The following MINDY1 variants were observed in gnomAD, a reference collection of about 807,000 sequenced individuals.
MINDY1 encodes the protein MINDY lysine 48 deubiquitinase 1.
Under a neutral mutation model 53.6 loss-of-function variants are expected in MINDY1, and 50 were observed. That is an observed-to-expected ratio of 0.93 (90% confidence interval 0.74 to 1.18). The LOEUF is 1.18. Among genes scored for constraint, MINDY1 ranks in the 50% most tolerant of loss-of-function variants. The pLI, the probability that MINDY1 is intolerant of heterozygous loss-of-function variation, is 0.00. For missense variants in MINDY1, 484 were observed against 578.6 expected (o/e 0.84, Z 1.68); for synonymous variants, 231 against 234.7 (o/e 0.98, Z 0.14).
At chr1:151,008,348 C>T (rs1482562298), upstream of MINDY1, 1 of 1,308,146 alleles carries the variant, frequency 7.6e-7, no homozygotes, top group African/African-American at 1.5e-5. Flanking sequence ...CGTCGCCCCA[C>T]GCCACGCCCC....
rs887433055 is a variant in MINDY1, at chr1:151,006,673, TTC to T, written c.-453_-452del. On this transcript the variant is annotated 5_prime_UTR_variant, in exon 1 of 10. An upstream open reading frame in the 5' UTR gains an earlier in-frame stop. Transcript: ENST00000683666. ...AAGGAAGTTTGTGGTTTTTCTTTTC[TTC>T]TCTCTCTCTTTTTTGTTCTCATCAG... 1.8e-5 allele frequency: 18 copies of T among 986,118 alleles called. No individual in the cohort carries two copies. The highest frequency in any genetic ancestry group is 3.5e-5 in the African/African-American group (2 of 57,360). The allele number at this position is 986,118 out of a possible 1,614,324, so 61.1% of individuals were successfully genotyped here. A position where few individuals can be genotyped will look rare whatever the true frequency, so the allele number is the denominator to read the frequency against.
At chr1:151,007,466 T>C (rs587649944), upstream of MINDY1, among the ~76,000 whole-genome samples, 1 of 152,222 alleles carries the variant, frequency 6.6e-6, no homozygotes, top group South Asian at 2.1e-4. Flanking sequence ...ATCCTGCCAC[T>C]GCACTCCAGC....
intron 1 of MINDY1, chr1:151,005,956 C>T (rs973125613): frequency 8.4e-6 from 9 of 1,067,780 alleles, no homozygotes; most frequent in Non-Finnish European, 1.2e-5. Context: ...TTCAAGAAGA[C>T]ACTCCTTCTC....
In MINDY1 at chr1:150,999,354, C is replaced by T. The variant is rs758387166; in HGVS notation, c.981+15G>A. On this transcript the variant is annotated intron_variant, in intron 7 of 9. Transcript: ENST00000683666. The surrounding 1 kb of genome is among the most constrained non-coding windows in gnomAD (Gnocchi z 4.4). ...ATGACAGCACCGCAGCACGCCACCC[C>T]CAAACTCGCATTACCTTATGCTTAG... The T allele has an allele frequency of 3.7e-6, 6 of 1,613,584 alleles. No homozygotes were observed. Among genetic ancestry groups the T allele is most frequent in the Non-Finnish European group, 5.1e-6 (6 of 1,179,646 alleles).
Position 150,999,418 on chromosome 1 carries a change from A to C in MINDY1, c.932T>G (p.Leu311Arg). ...GTGGTTGTTTCGGAAAAAGACGCTAAGTTCACCCTCCTTAGCAGCTGCTGT... is the reference window on the plus strand; with the variant it reads ...GTGGTTGTTTCGGAAAAAGACGCTACGTTCACCCTCCTTAGCAGCTGCTGT... ...ELTAAAKEGE[L>R]SVFFRNNHFS... is the part of the protein sequence containing the mutation. The change falls in exon 7 of 10, where the codon CTT (leucine) becomes CGT (arginine). Residue 311 changes from leucine (L) to arginine (R), a missense_variant. Transcript: ENST00000683666. The surrounding 1 kb of genome is among the most constrained non-coding windows in gnomAD (Gnocchi z 4.4). 1 of 1,614,152 alleles carries C rather than the reference A, an allele frequency of 6.2e-7. No homozygotes were observed. Among genetic ancestry groups the C allele is most frequent in the Non-Finnish European group, 8.5e-7 (1 of 1,180,038 alleles).
chr1:151,007,927 A>G (rs1407040676), upstream of MINDY1, among the ~76,000 whole-genome samples: 4 of 152,164 alleles, frequency 2.6e-5, no homozygotes, highest in Non-Finnish European at 5.9e-5. Flanking sequence ...AAGGAAGAAG[A>G]TATTTGCCGA....
intron 1 of MINDY1, among the ~76,000 whole-genome samples, chr1:151,005,118 A>G (rs1318033221): frequency 2.0e-5 from 3 of 152,026 alleles, no homozygotes; most frequent in Non-Finnish European, 4.4e-5. Context: ...GTGAACCTCA[A>G]AGCAGATGCC....
rs749712491 is a variant in MINDY1, at chr1:150,997,659, G to A, written c.1294C>T (p.Pro432Ser). The change falls in exon 9 of 10, where the codon CCA (proline) becomes TCA (serine). Residue 432 changes from proline (P) to serine (S), a missense_variant. By Grantham distance (74) the Pro-to-Ser change is moderately conservative. Coordinates refer to ENST00000683666, the MANE Select transcript of MINDY1 (RefSeq NM_001376665.1). Reference protein sequence around the residue: ...EEYQQQQAAQPVRMRTRVLSL... With the variant: ...EEYQQQQAAQSVRMRTRVLSL... ...AGGACCCGCGTCCGCATCCGCACTG[G>A]CTGCGCTGCCTGCTGCTGTTGATAC... 1.9e-6 allele frequency: 3 copies of A among 1,612,034 alleles called. No homozygotes were observed. The highest frequency in any genetic ancestry group is 2.5e-6 in the Non-Finnish European group (3 of 1,180,044).
Position 150,997,045 on chromosome 1 carries a change from C to T in MINDY1, c.*242G>A, listed in dbSNP as rs145594154. 8,123 of 574,512 alleles carry T rather than the reference C, an allele frequency of 0.014. 85 individuals carry two copies. The highest frequency in any genetic ancestry group is 0.037 in the Middle Eastern group (78 of 2,124). 35.6% of individuals were successfully genotyped at this position (574,512 alleles called of 1,614,324 possible). The stretch of plus-strand genomic sequence containing the variant: ...GTACATACGTGTGACTATTCAGGGA[C>T]CGGGAGTTGAGAACCAGAAACCCAC... On this transcript the variant is annotated 3_prime_UTR_variant, in exon 10 of 10. Transcript: ENST00000683666.
At chr1:151,006,277 A>C (rs1044481296) in intron 1 of MINDY1, 35 bp downstream of exon 1, 1 of 1,453,272 alleles carries the variant, frequency 6.9e-7, no homozygotes, top group Non-Finnish European at 9.1e-7. Flanking sequence ...GGGTGGGAGA[A>C]GAGGTGAAGA....
intron 7 of MINDY1, 43 bp from the exon 8 acceptor site, chr1:150,998,316 C>T (rs149786168): frequency 1.2e-5 from 19 of 1,547,568 alleles, no homozygotes; most frequent in Admixed American, 3.9e-5. Context: ...ACAGTTGATA[C>T]GGAGGCAGTT....
chr1:150,997,436 G>A (rs771026745), intron 9 of MINDY1, 69 bp from the exon 10 acceptor site: 12 of 1,550,802 alleles, frequency 7.7e-6, no homozygotes, highest in East Asian at 4.8e-5. Context: ...CTAGAAGAAG[G>A]GGTGTCAGGA....
chr1:151,002,396 G>A lies in MINDY1; in HGVS notation c.222C>T (p.Ser74=), dbSNP rs1672686167. Residue 74 remains serine, a synonymous_variant, in exon 2 of 10, where the codon AGC becomes AGT. Transcript: ENST00000683666. This position sits in a 1 kb window ranked among gnomAD's most constrained non-coding sequence, Gnocchi z 4.1. ...DNLESPLPEA[S]SAPPGPTLGT... ...CAAGGGTTGGCCCCGGTGGAGCTGAGCTAGCTTCAGGCAGAGGGGACTCAA... is the reference window on the plus strand; with the variant it reads ...CAAGGGTTGGCCCCGGTGGAGCTGAACTAGCTTCAGGCAGAGGGGACTCAA... The A allele has an allele frequency of 6.2e-7, 1 of 1,614,064 alleles. No individual in the cohort carries two copies. The highest frequency in any genetic ancestry group is 8.5e-7 in the Non-Finnish European group (1 of 1,180,034).
rs1673243836 is a variant in MINDY1 at position 151,006,597 on chromosome 1, T to TCGC, written c.-378_-376dup. 1 of 990,208 alleles carries TCGC rather than the reference T, an allele frequency of 1.0e-6. No individual in the cohort carries two copies. The highest frequency in any genetic ancestry group is 4.6e-5 in the South Asian group (1 of 21,592). 61.3% of individuals were successfully genotyped at this position (990,208 alleles called of 1,614,324 possible). On this transcript the variant is annotated 5_prime_UTR_variant, in exon 1 of 10. Coordinates refer to ENST00000683666, the MANE Select transcript of MINDY1 (RefSeq NM_001376665.1). ...TCAGAGAGTCTTCAGGATTCCTGAG[T>TCGC]CGCCGAGTCTATGGCATGCGCTCCG...
rs748526528 is a variant in MINDY1 at position 151,000,479 on chromosome 1, T to G, written c.713A>C (p.His238Pro). 1 of 1,607,870 alleles carries G rather than the reference T, an allele frequency of 6.2e-7. No individual in the cohort carries two copies. Among genetic ancestry groups the G allele is most frequent in the Admixed American group, 1.7e-5 (1 of 58,608 alleles). ...CACCTGTGGATCAACAAGCCAGCCA[T>G]GGTACAGAGGTATGCCTAGCAGGTC... is the stretch of plus-strand genomic sequence containing the variant. The part of the protein sequence containing the change: ...VFDLLGIPLY[H>P]GWLVDPQSPE... Residue 238 changes from histidine to proline, a missense_variant, in exon 5 of 10, where the codon CAT becomes CCT. His to Pro is a moderately conservative substitution (Grantham distance 77, BLOSUM62 -2). Transcript: ENST00000683666.
chr1:151,001,441 C>G lies in MINDY1; in HGVS notation c.512-127G>C, dbSNP rs930994268. On this transcript the variant is annotated intron_variant, in intron 3 of 9. Transcript: ENST00000683666. Reference sequence around the variant, plus strand: ...TTCAGAGCTGGAAAATACTTAGAGTCTAATCCAGACTCTTCATTTCTCAGA... The same window carrying G: ...TTCAGAGCTGGAAAATACTTAGAGTGTAATCCAGACTCTTCATTTCTCAGA... 23 of 1,093,726 alleles carry G rather than the reference C, an allele frequency of 2.1e-5. No individual in the cohort carries two copies. The Admixed American group carries it at 5.7e-4, about 27-fold the overall frequency. The allele number at this position is 1,093,726 out of a possible 1,614,324, so 67.8% of individuals were successfully genotyped here.
At chr1:151,000,390 A>G in intron 5 of MINDY1, 67 bp downstream of exon 5, 1 of 1,510,978 alleles carries the variant, frequency 6.6e-7, no homozygotes, top group Non-Finnish European at 8.9e-7. Flanking sequence ...CCTCTACCCG[A>G]CAAAAATTTG....
rs139261422 is a variant in MINDY1 at position 151,004,731 on chromosome 1, A to AAAAAT, written c.-90+1576_-90+1580dup. Among the ~76,000 whole-genome samples, 215 of 136,586 alleles carry AAAAAT rather than the reference A, an allele frequency of 1.6e-3. 2 individuals are homozygous for AAAAAT. Among genetic ancestry groups the AAAAAT allele is most frequent in the African/African-American group, 4.7e-3 (170 of 36,298 alleles). The allele number at this position is 136,586 out of a possible 152,430, so 89.6% of individuals were successfully genotyped here. ...GGGTGACAGAGCGAAACTCCATCTC[A>AAAAAT]AAAATAAAATAAAATAAAATAAAAT... is the stretch of plus-strand genomic sequence containing the variant. On this transcript the variant is annotated intron_variant, in intron 1 of 9. Transcript: ENST00000683666.
At position 151,000,000 on chromosome 1, in the gene MINDY1, T is replaced by C. The variant is rs1036287020; in HGVS notation, c.736-36A>G. 6.5e-7 allele frequency: 1 copy of C among 1,535,008 alleles called. No homozygotes were observed. ...AGTGGGATGTGGGATACCAAAAAAA[T>C]TGGGATTTTTTTTTCTTTTTTAAGG... On this transcript the variant is annotated intron_variant, in intron 5 of 9. Transcript: ENST00000683666. This position sits in a 1 kb window ranked among gnomAD's most constrained non-coding sequence, Gnocchi z 4.4.
Sources: gnomAD v4.1 joint callset for allele counts (sites outside exome capture counted in the v4.1 genomes callset) on GRCh38, gnomAD v4.1.1 for gene constraint, Gnocchi (gnomAD v3.1) non-coding constraint, MANE v1.5 for transcripts, NCBI Gene and HGNC (gene_info 2026-07-23, HGNC 2026-07-21) for gene names.